Variants in MSRA observed in about 807,000 individuals in gnomAD.
MSRA encodes mitochondrial peptide methionine sulfoxide reductase.
Under a neutral mutation model 31.3 loss-of-function variants are expected in MSRA, and 54 were observed. The ratio of observed to expected loss-of-function variants is 1.73; its 90% CI spans 1.39 to 2.17. MSRA has a LOEUF of 2.17. Ranked by LOEUF, MSRA falls within the 30% of genes most tolerant of loss-of-function variation. MSRA has a pLI of 0.00. For synonymous variants in MSRA, 169 were observed against 116.5 expected (o/e 1.45, Z -2.90); for missense variants, 507 against 300.9 (o/e 1.69, Z -5.07).
rs143285417 is a variant in MSRA at position 10,072,742 on chromosome 8, C to A, written c.142+18084C>A. ...CAATCCATGAGCACAGCATGTCTTT[C>A]CATTTATTTAAGTTGCCTTCAACTT... On this transcript the variant is annotated intron_variant, in intron 1 of 5. Coordinates refer to ENST00000317173, the MANE Select transcript of MSRA (RefSeq NM_012331.5). Among the ~76,000 whole-genome samples, 9 of 152,300 alleles carry A rather than the reference C, an allele frequency of 5.9e-5. No homozygotes were observed. The East Asian group carries it at 1.7e-3, about 29-fold the overall frequency.
intron 1 of MSRA, among the ~76,000 whole-genome samples, chr8:10,092,877 T>C (rs751166223): frequency 6.6e-6 from 1 of 152,226 alleles, no homozygotes. Flanking sequence ...TCTGTTCTTA[T>C]GTATGTTTAT....
chr8:10,135,114 A>G (rs1033932177), intron 1 of MSRA, among the ~76,000 whole-genome samples: 1 of 152,226 alleles, frequency 6.6e-6, no homozygotes, highest in African/African-American at 2.4e-5. Context: ...TCATTTTAGA[A>G]CTTGACACTT....
chr8:10,332,106 C>T (rs796578039), intron 5 of MSRA, among the ~76,000 whole-genome samples: 1 of 152,124 alleles, frequency 6.6e-6, no homozygotes, highest in African/African-American at 2.4e-5. Flanking sequence ...GAGAAAATGT[C>T]ATGGTTATCT....
chr8:10,279,437 C>A (rs1040318823), intron 3 of MSRA, among the ~76,000 whole-genome samples: 1 of 152,114 alleles, frequency 6.6e-6, no homozygotes, highest in Non-Finnish European at 1.5e-5. Context: ...TAACAACTCC[C>A]TTTGGCATCT....
intron 1 of MSRA, among the ~76,000 whole-genome samples, chr8:10,083,897 C>T (rs866616044): frequency 6.6e-5 from 10 of 152,166 alleles, no homozygotes; most frequent in Admixed American, 1.3e-4. Flanking sequence ...AATTAGATCC[C>T]AGTCCTAAGT....
intron 5 of MSRA, among the ~76,000 whole-genome samples, chr8:10,347,694 A>G (rs953519330): frequency 6.6e-6 from 1 of 152,182 alleles, no homozygotes; most frequent in Non-Finnish European, 1.5e-5. Context: ...GTGGCCTCGC[A>G]TGTCTCAGCC....
At chr8:10,420,535 C>A (rs1166442033) in intron 5 of MSRA, among the ~76,000 whole-genome samples, 1 of 152,082 alleles carries the variant, frequency 6.6e-6, no homozygotes, top group East Asian at 1.9e-4. Context: ...TCTTAGGTGG[C>A]CTTTCCTTCA....
At chr8:10,280,417 G>A (rs1033966826) in intron 3 of MSRA, among the ~76,000 whole-genome samples, 1 of 152,008 alleles carries the variant, frequency 6.6e-6, no homozygotes, top group Non-Finnish European at 1.5e-5. Context: ...TTTGATAGTA[G>A]CAGCTCCATT....
chr8:10,165,646 C>T (rs1029636871), intron 1 of MSRA, among the ~76,000 whole-genome samples: 7 of 152,188 alleles, frequency 4.6e-5, no homozygotes, highest in African/African-American at 7.2e-5. Flanking sequence ...CTCTGTAGAC[C>T]GAGTCTACGT....
chr8:10,407,932 C>A (rs144386762), intron 5 of MSRA, among the ~76,000 whole-genome samples: 34 of 152,338 alleles, frequency 2.2e-4, no homozygotes, highest in African/African-American at 7.9e-4. Flanking sequence ...TTAAGCTACA[C>A]TGGAGATGCA....
intron 5 of MSRA, among the ~76,000 whole-genome samples, chr8:10,340,409 G>T (rs1267791319): frequency 6.6e-6 from 1 of 152,224 alleles, no homozygotes; most frequent in Non-Finnish European, 1.5e-5. Context: ...GTTTTCCTCT[G>T]TCACCCAGGC....
At chr8:10,265,352 C>T (rs1770754879) in intron 3 of MSRA, among the ~76,000 whole-genome samples, 1 of 152,140 alleles carries the variant, frequency 6.6e-6, no homozygotes, top group Non-Finnish European at 1.5e-5. Flanking sequence ...AGGTGTGTCA[C>T]AGGGGCTTCT....
intron 2 of MSRA, among the ~76,000 whole-genome samples, chr8:10,230,317 G>A (rs1259204624): frequency 6.6e-6 from 1 of 152,220 alleles, no homozygotes; most frequent in Non-Finnish European, 1.5e-5. Context: ...AAGGGAGAAG[G>A]TTATACCGGA....
chr8:10,348,357 C>CTTTTTTTT (rs34083972), intron 5 of MSRA, among the ~76,000 whole-genome samples: 25 of 64,268 alleles, frequency 3.9e-4, no homozygotes, highest in South Asian at 8.1e-4. Context: ...AAATTATTGC[C>CTTTTTTTT]TTTTTTTTTT....
chr8:10,124,109 A>T (rs937012265), intron 1 of MSRA, among the ~76,000 whole-genome samples: 4 of 152,080 alleles, frequency 2.6e-5, no homozygotes, highest in Non-Finnish European at 4.4e-5. Context: ...AAGTGAAGTG[A>T]TAAAGACCAC....
chr8:10,412,562 A>G (rs113596131), intron 5 of MSRA, among the ~76,000 whole-genome samples: 9 of 152,346 alleles, frequency 5.9e-5, no homozygotes, highest in African/African-American at 2.2e-4. Context: ...CCAAAGCATA[A>G]CTTTGGAATA....
chr8:10,232,221 C>T (rs913693133), intron 2 of MSRA, among the ~76,000 whole-genome samples: 5 of 152,140 alleles, frequency 3.3e-5, no homozygotes, highest in African/African-American at 7.2e-5. Context: ...AAGGAACATG[C>T]GGTAACTGCA....
chr8:10,110,851 C>A (rs190577537), intron 1 of MSRA, among the ~76,000 whole-genome samples: 1 of 152,184 alleles, frequency 6.6e-6, no homozygotes, highest in African/African-American at 2.4e-5. Context: ...GGCAGCCTTT[C>A]ACATATTTCA....
chr8:10,220,042 A>G (rs918138303), intron 2 of MSRA, among the ~76,000 whole-genome samples: 1 of 151,784 alleles, frequency 6.6e-6, no homozygotes, highest in African/African-American at 2.4e-5. Flanking sequence ...AGCTTGGCAT[A>G]CCTTAGGCCC....
Sources: allele counts gnomAD v4.1 joint callset (sites outside exome capture counted in the v4.1 genomes callset), GRCh38; gene constraint gnomAD v4.1.1; transcripts MANE v1.5; gene names NCBI Gene and HGNC (gene_info 2026-07-23, HGNC 2026-07-21).